Variants in CSMD1 observed in about 807,000 individuals in gnomAD.
CSMD1 encodes the protein CUB and Sushi multiple domains 1, also known as CUB and sushi domain-containing protein 1.
Under a neutral mutation model 417.5 loss-of-function variants are expected in CSMD1, and 213 were observed. The observed-to-expected ratio is 0.51, with a 90% CI of 0.46 to 0.57. The LOEUF (loss-of-function observed/expected upper bound fraction) is 0.57, where lower values mean the gene tolerates loss of function less well. Among genes scored for constraint, CSMD1 ranks in the 20% least tolerant of loss-of-function variants. The pLI is 0.00. For missense variants in CSMD1, 6,923 were observed against 4,529.7 expected (o/e 1.53, Z -15.17); for synonymous variants, 2,862 against 1,736.8 (o/e 1.65, Z -16.11).
intron 2 of CSMD1, among the ~76,000 whole-genome samples, chr8:4,515,162 G>C (rs749442094): frequency 6.6e-6 from 1 of 152,168 alleles, no homozygotes; most frequent in Admixed American, 6.5e-5. Flanking sequence ...TTATGTCTGA[G>C]TTTAGGAACT....
chr8:3,941,884 G>C (rs1247225498), intron 5 of CSMD1, among the ~76,000 whole-genome samples: 1 of 152,046 alleles, frequency 6.6e-6, no homozygotes, highest in Non-Finnish European at 1.5e-5. Flanking sequence ...GTGTCAGTCT[G>C]TGCCCTTTTA....
intron 2 of CSMD1, among the ~76,000 whole-genome samples, chr8:4,455,683 C>T (rs949584857): frequency 2.6e-5 from 4 of 151,848 alleles, no homozygotes; most frequent in South Asian, 2.1e-4. Flanking sequence ...GTAATCTCAG[C>T]ACTTTGGGAG....
chr8:4,137,829 CAGTT>C lies in CSMD1; in HGVS notation c.416-105734_416-105731del, dbSNP rs1186390507. 1.1e-4 allele frequency among the ~76,000 whole-genome samples: 17 copies of C among 151,198 alleles called. 2 individuals are homozygous for C. The highest frequency in any genetic ancestry group is 1.1e-3 in the Admixed American group (16 of 15,064). On this transcript the variant is annotated intron_variant, in intron 3 of 69. Coordinates refer to ENST00000635120, the MANE Select transcript of CSMD1 (RefSeq NM_033225.6). ...TTCCCCTTACATTATGTCAGAAACTCAGTTAGTGTTATTTTACCTTTTGGATGCC... is the reference window on the plus strand; with the variant it reads ...TTCCCCTTACATTATGTCAGAAACTCAGTGTTATTTTACCTTTTGGATGCC...
intron 3 of CSMD1, among the ~76,000 whole-genome samples, chr8:4,244,909 T>C (rs1164744249): frequency 6.6e-6 from 1 of 152,170 alleles, no homozygotes; most frequent in Non-Finnish European, 1.5e-5. Flanking sequence ...GATAACAACA[T>C]TTAAATCTTC....
chr8:4,411,843 C>G (rs1034982428), intron 3 of CSMD1, among the ~76,000 whole-genome samples: 1 of 152,010 alleles, frequency 6.6e-6, no homozygotes, highest in African/African-American at 2.4e-5. Context: ...ATATTTTTAC[C>G]AAAATGGAAT....
At chr8:4,911,869 T>C (rs902389209) in intron 1 of CSMD1, among the ~76,000 whole-genome samples, 4 of 152,134 alleles carry the variant, frequency 2.6e-5, no homozygotes, top group Non-Finnish European at 5.9e-5. Flanking sequence ...AATTCCTCTC[T>C]GAGGCTTCTG....
In CSMD1 at chr8:3,308,409, G is replaced by A; in HGVS notation, c.3726C>T (p.Tyr1242=). The change falls in exon 24 of 70, where the codon TAC becomes TAT. Residue 1242 remains tyrosine (Y), a synonymous_variant. Transcript: ENST00000635120. ...GCATGGCGTACCCCGGGTTGCAACT[G>A]TACAGAACTACAGTGTCGGTAAAGT... ...EGHFTDTVVL[Y]SCNPGYAMHG... 4.3e-6 allele frequency: 7 copies of A among 1,613,824 alleles called. No homozygotes were observed. The highest frequency in any genetic ancestry group is 1.1e-5 in the South Asian group (1 of 91,072).
chr8:2,936,348 T>A lies in CSMD1; in HGVS notation c.*2237A>T, dbSNP rs1331197388. 6.7e-6 allele frequency: 1 copy of A among 149,700 alleles called. No individual in the cohort carries two copies. Among genetic ancestry groups the A allele is most frequent in the Non-Finnish European group, 1.5e-5 (1 of 67,756 alleles). 9.3% of individuals were successfully genotyped at this position (149,700 alleles called of 1,614,324 possible). A position where few individuals can be genotyped will look rare whatever the true frequency, so the allele number is the denominator to read the frequency against. ...GTCAGCATTTTGCACCTAGTTTGAA[T>A]GACTCAAACTTAGATATGTACAATA... On this transcript the variant is annotated 3_prime_UTR_variant, in exon 70 of 70. Transcript: ENST00000635120.
At chr8:3,491,070 A>G (rs1291837377) in intron 11 of CSMD1, among the ~76,000 whole-genome samples, 3 of 152,190 alleles carry the variant, frequency 2.0e-5, no homozygotes, top group Non-Finnish European at 4.4e-5. Context: ...AGGTATAGCA[A>G]AAAAGTATGC....
Position 3,998,027 on chromosome 8 carries a change from C to T in CSMD1, c.694G>A (p.Ala232Thr). The T allele has an allele frequency of 6.2e-7, 1 of 1,605,012 alleles. No individual in the cohort carries two copies. Among genetic ancestry groups the T allele is most frequent in the South Asian group, 1.1e-5 (1 of 89,234 alleles). ...GCCAGAATGGTCCAGGTGCAGTCCG[C>T]GTTGTTCTCGTACTCTGAAGGGAAG... ...PHFPSEYENNADCTWTILAEP... is the reference protein window; with the variant it reads ...PHFPSEYENNTDCTWTILAEP... Residue 232 changes from alanine to threonine, a missense_variant, in exon 5 of 70, where the codon GCG (alanine) becomes ACG (threonine). Physicochemically the swap from Ala to Thr is moderately conservative, Grantham distance 58. Transcript: ENST00000635120.
intron 3 of CSMD1, among the ~76,000 whole-genome samples, chr8:4,198,914 C>T (rs1454684460): frequency 2.6e-5 from 4 of 151,434 alleles, no homozygotes; most frequent in African/African-American, 7.3e-5. Flanking sequence ...TTTCCTTCCA[C>T]GCAGGTTTTT....
chr8:3,020,459 T>C (rs1471517852), intron 51 of CSMD1, among the ~76,000 whole-genome samples: 2 of 152,130 alleles, frequency 1.3e-5, no homozygotes, highest in Non-Finnish European at 2.9e-5. Flanking sequence ...AGCCCTGACC[T>C]CCTGGGTTCA....
intron 10 of CSMD1, among the ~76,000 whole-genome samples, chr8:3,519,578 T>G (rs994317961): frequency 5.3e-5 from 8 of 152,240 alleles, no homozygotes; most frequent in Admixed American, 4.6e-4. Flanking sequence ...AGTACCTTGG[T>G]AGAGACTACC....
intron 6 of CSMD1, among the ~76,000 whole-genome samples, chr8:3,718,593 G>A (rs961782017): frequency 6.6e-6 from 1 of 152,112 alleles, no homozygotes; most frequent in Non-Finnish European, 1.5e-5. Context: ...AAAGATAAAT[G>A]TCTCATATAT....
intron 5 of CSMD1, among the ~76,000 whole-genome samples, chr8:3,861,782 T>C (rs1804727573): frequency 6.6e-6 from 1 of 152,196 alleles, no homozygotes; most frequent in Non-Finnish European, 1.5e-5. Context: ...GCCCACTGAG[T>C]ATCCTGTCTG....
At chr8:4,251,712 T>G (rs575827702) in intron 3 of CSMD1, among the ~76,000 whole-genome samples, 5 of 152,170 alleles carry the variant, frequency 3.3e-5, no homozygotes, top group Admixed American at 2.6e-4. Flanking sequence ...AATGTATGTG[T>G]ACCTAGTCCT....
intron 23 of CSMD1, among the ~76,000 whole-genome samples, chr8:3,325,189 G>C (rs900599965): frequency 1.3e-5 from 2 of 152,146 alleles, no homozygotes; most frequent in African/African-American, 4.8e-5. Flanking sequence ...TTTTCTTCCT[G>C]AGACGGTGTC....
rs1554543444 is a variant in CSMD1 at position 3,411,989 on chromosome 8, T to TGC, written c.1562-2385_1562-2384insGC. 4.2e-4 allele frequency among the ~76,000 whole-genome samples: 36 copies of TGC among 86,488 alleles called. 11 individuals are homozygous for TGC. The highest frequency in any genetic ancestry group is 9.8e-4 in the African/African-American group (19 of 19,464). The allele number at this position is 86,488 out of a possible 152,430, so 56.7% of individuals were successfully genotyped here. ...ATGCACGTATATATACACGTATATA[T>TGC]ACGTGTATATACACGTATATATATA... On this transcript the variant is annotated intron_variant, in intron 12 of 69. Coordinates refer to ENST00000635120, the MANE Select transcript of CSMD1 (RefSeq NM_033225.6).
chr8:3,201,670 T>A lies in CSMD1; in HGVS notation c.5040A>T (p.Leu1680Phe). The change falls in exon 32 of 70, where the codon TTA (leucine) becomes TTT (phenylalanine). Residue 1680 changes from leucine (L) to phenylalanine (F), a missense_variant. By Grantham distance (22) the Leu-to-Phe change is conservative. Transcript: ENST00000635120. Reference protein sequence around the residue: ...FQTALNDLAELFDGTHAQARL... With the variant: ...FQTALNDLAEFFDGTHAQARL... ...TGGCCTGTGCATGGGTTCCATCAAA[T>A]AATTCTGCCAAATCATTCAGGGCTG... 6.2e-7 allele frequency: 1 copy of A among 1,607,108 alleles called. No individual in the cohort carries two copies. Among genetic ancestry groups the A allele is most frequent in the Non-Finnish European group, 8.5e-7 (1 of 1,176,772 alleles).
Sources: allele counts gnomAD v4.1 joint callset (sites outside exome capture counted in the v4.1 genomes callset), GRCh38; gene constraint gnomAD v4.1.1; transcripts MANE v1.5; gene names NCBI Gene and HGNC (gene_info 2026-07-23, HGNC 2026-07-21).